Variants in ABLIM3 observed in about 807,000 individuals in gnomAD.
ABLIM3 encodes the protein actin-binding LIM protein 3.
Under a neutral mutation model 109.5 loss-of-function variants are expected in ABLIM3, and 61 were observed. The ratio of observed to expected loss-of-function variants is 0.56; its 90% confidence interval spans 0.45 to 0.69. The LOEUF (loss-of-function observed/expected upper bound fraction) is 0.69, where lower values mean the gene tolerates loss of function less well. Ranked by LOEUF, ABLIM3 falls within the 30% of genes least tolerant of loss-of-function variation. ABLIM3 has a pLI of 0.00. For missense variants in ABLIM3, 796 were observed against 889.5 expected, an observed-to-expected ratio of 0.89 and a Z score of 1.34; for synonymous variants, 300 against 324.8, an observed-to-expected ratio of 0.92 and a Z score of 0.82.
Position 149,244,874 on chromosome 5 carries a change from T to C in ABLIM3, c.1352-7T>C. 1 of 1,614,150 alleles carries C rather than the reference T, an allele frequency of 6.2e-7. No individual in the cohort carries two copies. Among genetic ancestry groups the C allele is most frequent in the South Asian group, 1.1e-5 (1 of 91,086 alleles). ...TTCCTGAAGTGCTCTCCTTGGGTCCTCTGCAGGTGATTTGTCTACAGCAAC... is the reference window on the plus strand; with the variant it reads ...TTCCTGAAGTGCTCTCCTTGGGTCCCCTGCAGGTGATTTGTCTACAGCAAC... On this transcript the variant is annotated splice_region_variant and splice_polypyrimidine_tract_variant and intron_variant, in intron 15 of 23. Coordinates refer to ENST00000309868, the MANE Select transcript of ABLIM3 (RefSeq NM_014945.5).
intron 2 of ABLIM3, among the ~76,000 whole-genome samples, chr5:149,168,672 C>CT (rs1440001573): frequency 1.2e-4 from 19 of 152,264 alleles, no homozygotes; most frequent in South Asian, 2.1e-4. Context: ...TGCCAGTTGA[C>CT]TTTTTTAAAC....
At chr5:149,164,912 G>T (rs915822185) in intron 2 of ABLIM3, among the ~76,000 whole-genome samples, 2 of 152,186 alleles carry the variant, frequency 1.3e-5, no homozygotes, top group Admixed American at 1.3e-4. Context: ...TGAAAGATCT[G>T]CTAGCTGTCC....
At chr5:149,210,521 G>C (rs1019338881) in intron 6 of ABLIM3, among the ~76,000 whole-genome samples, 4 of 152,216 alleles carry the variant, frequency 2.6e-5, no homozygotes, top group Admixed American at 2.0e-4. Flanking sequence ...GAGCACACAG[G>C]AGGTGGTCCC....
intron 7 of ABLIM3, among the ~76,000 whole-genome samples, chr5:149,213,162 C>A (rs1468519602): frequency 6.6e-6 from 1 of 152,088 alleles, no homozygotes; most frequent in Non-Finnish European, 1.5e-5. Flanking sequence ...AGCTCAGGAA[C>A]AAAGCTCAGG....
intron 18 of ABLIM3, among the ~76,000 whole-genome samples, chr5:149,249,543 A>G (rs1195970431): frequency 6.6e-6 from 1 of 152,134 alleles, no homozygotes; most frequent in Admixed American, 6.5e-5. Flanking sequence ...GCTGTTTGCA[A>G]TTCAACCTTG....
rs571312925 is a variant in ABLIM3 at position 149,158,630 on chromosome 5, G to A, written c.13+16522G>A. Among the ~76,000 whole-genome samples, 4 of 152,252 alleles carry A rather than the reference G, an allele frequency of 2.6e-5. No individual in the cohort carries two copies. The East Asian group carries it at 7.7e-4, about 29-fold the overall frequency. ...AGTCTAGTCAACCATCACTAGTACT[G>A]TTACAAGATCAATACCAATACACTA... On this transcript the variant is annotated intron_variant, in intron 2 of 23. Coordinates refer to ENST00000309868, the MANE Select transcript of ABLIM3 (RefSeq NM_014945.5).
chr5:149,157,785 A>C (rs1328554610), intron 2 of ABLIM3, among the ~76,000 whole-genome samples: 1 of 151,898 alleles, frequency 6.6e-6, no homozygotes, highest in African/African-American at 2.4e-5. Flanking sequence ...CTTAGCTCTG[A>C]CCGTATAGGA....
intron 8 of ABLIM3, among the ~76,000 whole-genome samples, chr5:149,225,568 A>T (rs996765178): frequency 1.3e-5 from 2 of 152,120 alleles, no homozygotes; most frequent in African/African-American, 4.8e-5. Context: ...TTTTAAAAAA[A>T]TTTTTATTTC....
chr5:149,170,228 T>TTTTCTCTCTCTCTC (rs1554082423), intron 2 of ABLIM3, among the ~76,000 whole-genome samples: 19 of 124,656 alleles, frequency 1.5e-4, no homozygotes, highest in African/African-American at 5.6e-4. Flanking sequence ...AGGGTTCTGT[T>TTTTCTCTCTCTCTC]TCTCTCTCTC....
At chr5:149,152,269 C>T (rs1753503335) in intron 2 of ABLIM3, among the ~76,000 whole-genome samples, 2 of 152,190 alleles carry the variant, frequency 1.3e-5, no homozygotes, top group South Asian at 4.1e-4. Flanking sequence ...TGTCACCTTG[C>T]CACTGCAGTC....
intron 3 of ABLIM3, among the ~76,000 whole-genome samples, chr5:149,185,782 T>C (rs936215260): frequency 6.6e-6 from 1 of 152,218 alleles, no homozygotes; most frequent in Non-Finnish European, 1.5e-5. Flanking sequence ...ATGAATTTCT[T>C]TTACGACTCT....
chr5:149,216,919 C>T, intron 7 of ABLIM3, 40 bp from the exon 8 acceptor site: 1 of 1,569,884 alleles, frequency 6.4e-7, no homozygotes. Flanking sequence ...AGACAGCAGC[C>T]CTGGCTCTGA....
Position 149,233,294 on chromosome 5 carries a change from C to T in ABLIM3, c.882C>T (p.Val294=), listed in dbSNP as rs557134755. The T allele has an allele frequency of 1.2e-6, 2 of 1,614,120 alleles. No individual in the cohort carries two copies. Among genetic ancestry groups the T allele is most frequent in the East Asian group, 4.5e-5 (2 of 44,884 alleles). Residue 294 remains valine, a synonymous_variant, in exon 10 of 24, where the codon GTC becomes GTT. Transcript: ENST00000309868. ...PGSSIGSPNR[V]ICAKVDNEIL... ...CCAGCATTGGGTCACCCAACCGAGT[C>T]ATCTGCGTATGTATCACTTTTCTAC...
chr5:149,159,236 G>T (rs1754112419), intron 2 of ABLIM3, among the ~76,000 whole-genome samples: 1 of 152,142 alleles, frequency 6.6e-6, no homozygotes, highest in Non-Finnish European at 1.5e-5. Flanking sequence ...AAACATGAAT[G>T]AATCTCAGAA....
At chr5:149,252,334 C>A in intron 22 of ABLIM3, 126 bp downstream of exon 22, 1 of 1,031,368 alleles carries the variant, frequency 9.7e-7, no homozygotes, top group Non-Finnish European at 1.4e-6. Flanking sequence ...CCCAGGGGTC[C>A]TTTCAAGACC....
chr5:149,156,793 G>C (rs968615753), intron 2 of ABLIM3, among the ~76,000 whole-genome samples: 2 of 152,234 alleles, frequency 1.3e-5, no homozygotes, highest in African/African-American at 4.8e-5. Flanking sequence ...AAGCCACACA[G>C]TCTCTGTGGC....
At chr5:149,170,144 A>G (rs561633538) in intron 2 of ABLIM3, among the ~76,000 whole-genome samples, 24 of 151,586 alleles carry the variant, frequency 1.6e-4, no homozygotes, top group Admixed American at 7.2e-4. Flanking sequence ...AGTGTACTAT[A>G]TTGGTTTGTA....
Position 149,217,166 on chromosome 5 carries a change from G to A in ABLIM3, c.757+120G>A, listed in dbSNP as rs113068891. The A allele has an allele frequency of 2.9e-5, 29 of 1,009,868 alleles. No homozygotes were observed. In the African/African-American group the frequency reaches 3.3e-4, roughly 12 times the overall value. The allele number at this position is 1,009,868 out of a possible 1,614,324, so 62.6% of individuals were successfully genotyped here. On this transcript the variant is annotated intron_variant, in intron 8 of 23. Coordinates refer to ENST00000309868, the MANE Select transcript of ABLIM3 (RefSeq NM_014945.5). ...TCAGTGTTATCTTGGCTTTTGCCTT[G>A]TCCTCAGAATTGCAATTAATTGGCC...
At chr5:149,143,369 T>A (rs945709471) in intron 2 of ABLIM3, among the ~76,000 whole-genome samples, 14 of 151,296 alleles carry the variant, frequency 9.3e-5, no homozygotes, top group Admixed American at 6.6e-5. Flanking sequence ...TCTCAAAAAA[T>A]AATAATAATA....
Sources: allele counts gnomAD v4.1 joint callset (sites outside exome capture counted in the v4.1 genomes callset), GRCh38; gene constraint gnomAD v4.1.1; transcripts MANE v1.5; gene names NCBI Gene and HGNC (gene_info 2026-07-23, HGNC 2026-07-21).